ADGRB3: variants seen among roughly 807,000 people sequenced by gnomAD.
ADGRB3 encodes the protein adhesion G protein-coupled receptor B3, also known as brain-specific angiogenesis inhibitor 3.
In ADGRB3, 37 loss-of-function variants were observed where a neutral mutation model predicts 193.4. The ratio of observed to expected loss-of-function variants is 0.19; its 90% CI spans 0.15 to 0.25. The LOEUF is 0.25. ADGRB3 is among the 10% of genes least tolerant of loss of function. The pLI is 1.00. For missense variants in ADGRB3, 1,637 were observed against 1,852.9 expected (o/e 0.88, Z 2.14); for synonymous variants, 690 against 644.2 (o/e 1.07, Z -1.08).
intron 26 of ADGRB3, among the ~76,000 whole-genome samples, chr6:69,341,889 T>A (rs569355179): frequency 3.3e-5 from 5 of 152,256 alleles, no homozygotes; most frequent in Non-Finnish European, 7.4e-5. Context: ...CTTAGGTGTT[T>A]AGGAGTAGAA....
Position 69,388,757 on chromosome 6 carries a change from T to TA in ADGRB3, c.4436dup (p.Tyr1479Ter). 6.2e-7 allele frequency: 1 copy of TA among 1,613,452 alleles called. No individual in the cohort carries two copies. Among genetic ancestry groups the TA allele is most frequent in the Non-Finnish European group, 8.5e-7 (1 of 1,179,630 alleles). The stretch of plus-strand genomic sequence containing the variant: ...GGACACTTTCAAAAACCCCAGTGAA[T>TA]ACCCGCATTACACCACAATCAATGT... Reference protein sequence around the residue: ...PWDTFKNPSEYPHYTTINVLD... With the variant: ...PWDTFKNPSE Residue 1479 changes from tyrosine (Y) to a stop codon, truncating the protein, a stop_gained and frameshift_variant, in exon 32 of 32, where the codon TAC becomes TAAC. Coordinates refer to ENST00000370598, the MANE Select transcript of ADGRB3 (RefSeq NM_001704.3). LOFTEE classifies it high-confidence loss of function.
intron 3 of ADGRB3, among the ~76,000 whole-genome samples, chr6:68,666,059 C>T (rs1768792114): frequency 6.6e-6 from 1 of 151,826 alleles, no homozygotes; most frequent in East Asian, 1.9e-4. Flanking sequence ...TTACCTCTGA[C>T]CTTAGGCGAG....
intron 3 of ADGRB3, among the ~76,000 whole-genome samples, chr6:68,703,812 G>A (rs1443904823): frequency 1.3e-5 from 2 of 151,962 alleles, no homozygotes; most frequent in Admixed American, 6.6e-5. Context: ...TAGTAGAGAC[G>A]GGGTTTCATC....
intron 3 of ADGRB3, among the ~76,000 whole-genome samples, chr6:68,756,365 T>G (rs966073296): frequency 6.6e-6 from 1 of 152,212 alleles, no homozygotes; most frequent in Admixed American, 6.5e-5. Context: ...ATATTTCAAG[T>G]GCATACCGTT....
intron 8 of ADGRB3, among the ~76,000 whole-genome samples, chr6:68,967,574 C>T (rs547715198): frequency 7.2e-5 from 11 of 152,176 alleles, no homozygotes; most frequent in South Asian, 4.2e-4. Context: ...TAACTGGACA[C>T]GGCTATCTAC....
At chr6:68,872,889 T>C (rs1765500066) in intron 3 of ADGRB3, among the ~76,000 whole-genome samples, 1 of 152,126 alleles carries the variant, frequency 6.6e-6, no homozygotes, top group African/African-American at 2.4e-5. Flanking sequence ...GTTAAAATTT[T>C]AATGTATTTT....
In ADGRB3 at chr6:68,974,821, A is replaced by G. The variant is rs772818320; in HGVS notation, c.1584A>G (p.Pro528=). 1 of 1,613,994 alleles carries G rather than the reference A, an allele frequency of 6.2e-7. No individual in the cohort carries two copies. The highest frequency in any genetic ancestry group is 8.5e-7 in the Non-Finnish European group (1 of 1,179,922). ...YLMSMVWKRT[P]AGDLAFNQCP... ...TGTCGATGGTGTGGAAAAGAACTCC[A>G]GCAGGCGACTTGGCATTCAATCAAT... Residue 528 remains proline, a synonymous_variant, in exon 9 of 32, where the codon CCA becomes CCG. Transcript: ENST00000370598.
At chr6:69,291,377 A>T (rs1767662655) in intron 20 of ADGRB3, among the ~76,000 whole-genome samples, 1 of 152,180 alleles carries the variant, frequency 6.6e-6, no homozygotes, top group Non-Finnish European at 1.5e-5. Flanking sequence ...TATTTCAAAG[A>T]GGAGAGCACT....
At chr6:69,200,854 G>T (rs1420838129) in intron 17 of ADGRB3, among the ~76,000 whole-genome samples, 3 of 152,094 alleles carry the variant, frequency 2.0e-5, no homozygotes, top group African/African-American at 7.2e-5. Flanking sequence ...AAAAGGCAAA[G>T]AAGTTTTTTT....
chr6:69,329,711 C>T (rs1355397380), intron 22 of ADGRB3, among the ~76,000 whole-genome samples: 1 of 152,112 alleles, frequency 6.6e-6, no homozygotes, highest in East Asian at 1.9e-4. Flanking sequence ...CTTTTTGCAC[C>T]AGCAGCCCCT....
chr6:69,050,831 G>A (rs1206982200), intron 15 of ADGRB3, among the ~76,000 whole-genome samples: 1 of 152,108 alleles, frequency 6.6e-6, no homozygotes, highest in African/African-American at 2.4e-5. Flanking sequence ...ATGTATTTAT[G>A]TGCTACATTC....
chr6:68,645,500 A>G (rs1222285853), intron 3 of ADGRB3, among the ~76,000 whole-genome samples: 3 of 152,166 alleles, frequency 2.0e-5, no homozygotes, highest in Admixed American at 2.0e-4. Flanking sequence ...ATTTGGTATA[A>G]GAAAAACTTT....
At chr6:69,245,396 A>T (rs1309451055) in intron 20 of ADGRB3, among the ~76,000 whole-genome samples, 1 of 152,046 alleles carries the variant, frequency 6.6e-6, no homozygotes, top group African/African-American at 2.4e-5. Context: ...ATCTGTGAAG[A>T]TTTTTTTATT....
chr6:69,161,025 G>A (rs1229062496), intron 17 of ADGRB3, among the ~76,000 whole-genome samples: 1 of 151,992 alleles, frequency 6.6e-6, no homozygotes, highest in African/African-American at 2.4e-5. Context: ...ACTGATATCA[G>A]GCAAGTTAGT....
At position 69,324,892 on chromosome 6, in the gene ADGRB3, T is replaced by G. The variant is rs777744570; in HGVS notation, c.2835T>G (p.Thr945=). 2 of 1,613,948 alleles carry G rather than the reference T, an allele frequency of 1.2e-6. No individual in the cohort carries two copies. Among genetic ancestry groups the G allele is most frequent in the Non-Finnish European group, 1.7e-6 (2 of 1,179,858 alleles). The change falls in exon 21 of 32, where the codon ACT becomes ACG. Residue 945 remains threonine, a synonymous_variant. Transcript: ENST00000370598. ...CACAGAGTATCTGCACAACCACCACTGCATTTTTGCACTTTTTCTTCCTGG... is the reference window on the plus strand; with the variant it reads ...CACAGAGTATCTGCACAACCACCACGGCATTTTTGCACTTTTTCTTCCTGG... ...THNKSICTTT[T]AFLHFFFLAS...
intron 3 of ADGRB3, among the ~76,000 whole-genome samples, chr6:68,739,011 A>G (rs1372604117): frequency 1.3e-5 from 2 of 152,194 alleles, no homozygotes; most frequent in African/African-American, 4.8e-5. Context: ...TAAGAATGTG[A>G]TACCTTATAT....
At chr6:69,381,791 T>A (rs1006843719) in intron 30 of ADGRB3, among the ~76,000 whole-genome samples, 1 of 151,936 alleles carries the variant, frequency 6.6e-6, no homozygotes, top group African/African-American at 2.4e-5. Context: ...AACATAGATA[T>A]AATATACCTA....
At chr6:68,767,426 C>T (rs1392307404) in intron 3 of ADGRB3, among the ~76,000 whole-genome samples, 13 of 152,064 alleles carry the variant, frequency 8.5e-5, no homozygotes, top group Admixed American at 8.5e-4. Context: ...ATAAACAGAA[C>T]CAATGACAAA....
At chr6:68,872,062 G>T (rs1455163778) in intron 3 of ADGRB3, among the ~76,000 whole-genome samples, 1 of 151,882 alleles carries the variant, frequency 6.6e-6, no homozygotes, top group Non-Finnish European at 1.5e-5. Flanking sequence ...ATTTTCTCTT[G>T]CTGTAACTTT....
Sources: gnomAD v4.1 joint callset for allele counts (sites outside exome capture counted in the v4.1 genomes callset) on GRCh38, gnomAD v4.1.1 for gene constraint, MANE v1.5 for transcripts, NCBI Gene and HGNC (gene_info 2026-07-23, HGNC 2026-07-21) for gene names.